Variants in GALNS observed in about 807,000 individuals in gnomAD.
The protein encoded by GALNS is N-acetylgalactosamine-6-sulfatase.
Under a neutral mutation model 65.9 loss-of-function variants are expected in GALNS, and 65 were observed. The ratio of observed to expected loss-of-function variants is 0.99; its 90% CI spans 0.81 to 1.21. The LOEUF (loss-of-function observed/expected upper bound fraction) is 1.21. Ranked by LOEUF, GALNS falls within the 50% of genes most tolerant of loss-of-function variation. GALNS has a pLI of 0.00. For missense variants in GALNS, 776 were observed against 700.7 expected (o/e 1.11, Z -1.21); for synonymous variants, 346 against 288.9 (o/e 1.20, Z -2.00).
intron 8 of GALNS, among the ~76,000 whole-genome samples, chr16:88,833,885 A>G (rs1597564269): frequency 1.3e-5 from 2 of 152,252 alleles, no homozygotes; most frequent in Admixed American, 6.5e-5. Flanking sequence ...GTTGGTATGA[A>G]ACATTCCATC....
chr16:88,826,979 A>G, intron 9 of GALNS, 141 bp from the exon 10 acceptor site: 2 of 1,046,830 alleles, frequency 1.9e-6, no homozygotes, highest in Non-Finnish European at 2.9e-6. Flanking sequence ...CACAGCAGGG[A>G]CTGAGCGGGG....
intron 8 of GALNS, among the ~76,000 whole-genome samples, chr16:88,833,425 TC>T (rs1364371342): frequency 1.1e-4 from 14 of 126,806 alleles, no homozygotes; most frequent in South Asian, 2.5e-4. Context: ...CTTCCCTCCC[TC>T]CCTTTCTTTC....
rs12446069 is a variant in GALNS, at chr16:88,826,879, C to T, written c.1003-41G>A. The T allele has an allele frequency of 7.4e-4, 1,148 of 1,552,774 alleles. 9 individuals carry two copies. The Admixed American group carries it at 0.011, about 15-fold the overall frequency. On this transcript the variant is annotated intron_variant, in intron 9 of 13. Transcript: ENST00000268695. The stretch of plus-strand genomic sequence containing the variant: ...GCAACACGGTCAGGGCACTCTGCAC[C>T]GACCCGATGGGGCTGGGGGCCAATC...
At chr16:88,826,861 G>C (rs1379555854) in intron 9 of GALNS, 23 bp from the exon 10 acceptor site, 1 of 1,560,502 alleles carries the variant, frequency 6.4e-7, no homozygotes, top group Admixed American at 1.9e-5. Context: ...GCAGCAACAC[G>C]GTCAGGGCAC....
chr16:88,844,537 T>C (rs1353441657), intron 1 of GALNS: 5 of 152,208 alleles, frequency 3.3e-5, no homozygotes, highest in African/African-American at 1.2e-4. Context: ...CTTAAGGACA[T>C]ATTCCCTCCT....
At chr16:88,818,169 A>G in intron 12 of GALNS, 45 bp from the exon 13 acceptor site, 1 of 1,465,586 alleles carries the variant, frequency 6.8e-7, no homozygotes, top group Non-Finnish European at 9.3e-7. Context: ...CTGACAGCGA[A>G]GGACGGAGAG....
At chr16:88,839,581 G>A (rs887962089) in intron 4 of GALNS, among the ~76,000 whole-genome samples, 4 of 152,234 alleles carry the variant, frequency 2.6e-5, no homozygotes, top group Admixed American at 1.3e-4. Context: ...AGGGAAGTCT[G>A]AGTCATGGCT....
intron 13 of GALNS, chr16:88,816,540 G>A (rs994753474): frequency 9.0e-5 from 87 of 966,278 alleles, no homozygotes; most frequent in Middle Eastern, 5.4e-4. Context: ...CCCAACTAAC[G>A]GAGGTGGCCC....
At chr16:88,842,315 C>T (rs952013711) in intron 2 of GALNS, 5 of 510,170 alleles carry the variant, frequency 9.8e-6, no homozygotes, top group South Asian at 2.1e-5. Flanking sequence ...CTCTTCCTCA[C>T]GATCAACACC....
chr16:88,847,014 G>C (rs1256704677), intron 1 of GALNS, among the ~76,000 whole-genome samples: 1 of 152,170 alleles, frequency 6.6e-6, no homozygotes, highest in Non-Finnish European at 1.5e-5. Context: ...GGCAGGGAGG[G>C]AAAACCTCTT....
chr16:88,829,971 G>A (rs1911321616), intron 9 of GALNS, among the ~76,000 whole-genome samples: 1 of 152,154 alleles, frequency 6.6e-6, no homozygotes. Flanking sequence ...GGTGGCTCAC[G>A]CCTGTAATCC....
chr16:88,827,349 C>T (rs544502923), intron 9 of GALNS, among the ~76,000 whole-genome samples: 4 of 152,328 alleles, frequency 2.6e-5, no homozygotes, highest in South Asian at 2.1e-4. Flanking sequence ...CTGTCTTTCC[C>T]GCCGTGCCTT....
At chr16:88,839,838 G>A (rs1014338715) in intron 4 of GALNS, among the ~76,000 whole-genome samples, 2 of 152,218 alleles carry the variant, frequency 1.3e-5, no homozygotes, top group Non-Finnish European at 2.9e-5. Flanking sequence ...TCTGGCCACC[G>A]GCACCAATGA....
At position 88,826,760 on chromosome 16, in the gene GALNS, T is replaced by C. The variant is rs778120439; in HGVS notation, c.1081A>G (p.Arg361Gly). 3.7e-6 allele frequency: 6 copies of C among 1,611,018 alleles called. No individual in the cohort carries two copies. Among genetic ancestry groups the C allele is most frequent in the Admixed American group, 1.7e-5 (1 of 59,740 alleles). ...AGGAGGTTGAGGCCATCAATGGCCC[T>C]GTCGCTGGGCGGCGTCAGGCCCGCA... Reference protein sequence around the residue: ...ALAGLTPPSDRAIDGLNLLPT... With the variant: ...ALAGLTPPSDGAIDGLNLLPT... The change falls in exon 10 of 14, where the codon AGG (arginine) becomes GGG (glycine). Residue 361 changes from arginine to glycine, a missense_variant. Coordinates refer to ENST00000268695, the MANE Select transcript of GALNS (RefSeq NM_000512.5).
intron 1 of GALNS, among the ~76,000 whole-genome samples, chr16:88,850,339 C>T (rs1967447980): frequency 6.6e-6 from 1 of 152,158 alleles, no homozygotes; most frequent in Non-Finnish European, 1.5e-5. Flanking sequence ...GTCTGGCCTC[C>T]CCAGAAGGTC....
chr16:88,837,009 G>A (rs374047441), intron 5 of GALNS, among the ~76,000 whole-genome samples: 11 of 152,228 alleles, frequency 7.2e-5, no homozygotes, highest in South Asian at 2.1e-4. Flanking sequence ...ACACCTCCAC[G>A]GGGCTCTATC....
chr16:88,826,219 G>GC (rs1422299362), intron 10 of GALNS, among the ~76,000 whole-genome samples: 3 of 148,878 alleles, frequency 2.0e-5, no homozygotes, highest in Non-Finnish European at 3.0e-5. Context: ...GTGTGCCCAG[G>GC]TACAGGCAGG....
chr16:88,837,505 G>T, intron 5 of GALNS, 117 bp downstream of exon 5: 1 of 1,091,416 alleles, frequency 9.2e-7, no homozygotes, highest in Non-Finnish European at 1.4e-6. Flanking sequence ...CGGGGACCCA[G>T]GGACAGACCA....
At chr16:88,846,789 TG>T (rs1255343141) in intron 1 of GALNS, among the ~76,000 whole-genome samples, 1 of 152,066 alleles carries the variant, frequency 6.6e-6, no homozygotes, top group Non-Finnish European at 1.5e-5. Flanking sequence ...GTGATCTGCC[TG>T]CCTTGGCCTC....
Sources: gnomAD v4.1 joint callset for allele counts (sites outside exome capture counted in the v4.1 genomes callset) on GRCh38, gnomAD v4.1.1 for gene constraint, MANE v1.5 for transcripts, NCBI Gene and HGNC (gene_info 2026-07-23, HGNC 2026-07-21) for gene names.